The following SYNE3 variants were observed in gnomAD, a reference collection of about 807,000 sequenced individuals.
The protein encoded by SYNE3 is spectrin repeat containing nuclear envelope family member 3, also known as nesprin-3.
Under a neutral mutation model 111.2 loss-of-function variants are expected in SYNE3, and 100 were observed. That is an observed-to-expected ratio of 0.90 (90% CI 0.77 to 1.06). The LOEUF (loss-of-function observed/expected upper bound fraction) is 1.06. Ranked by LOEUF, SYNE3 falls within the 50% of genes least tolerant of loss-of-function variation. The probability of loss-of-function intolerance (pLI) is 0.00; values close to 1 mark genes in which losing one functional copy is unlikely to be tolerated. For missense variants in SYNE3, 1,160 were observed against 1,240.3 expected, an observed-to-expected ratio of 0.94 and a Z score of 0.97; for synonymous variants, 547 against 533.9, an observed-to-expected ratio of 1.02 and a Z score of -0.34.
rs374329032 is a variant in SYNE3, at chr14:95,500,019, C to A, written c.-15+16577G>T. Among the ~76,000 whole-genome samples the A allele has an allele frequency of 8.5e-5, 13 of 152,162 alleles. No individual in the cohort carries two copies. In the South Asian group the frequency reaches 1.7e-3, roughly 19 times the overall value. Reference sequence around the variant, plus strand: ...GGACTACAGGCACCTGCCACCACACCCGACTAATTTTTTTATTTTTAGTAG... The same window carrying A: ...GGACTACAGGCACCTGCCACCACACACGACTAATTTTTTTATTTTTAGTAG... On this transcript the variant is annotated intron_variant, in intron 1 of 17. Coordinates refer to ENST00000682763, the MANE Select transcript of SYNE3 (RefSeq NM_152592.6). The surrounding 1 kb of genome is among the most constrained non-coding windows in gnomAD (Gnocchi z 4.7).
intron 1 of SYNE3, among the ~76,000 whole-genome samples, chr14:95,502,568 T>C (rs1415051333): frequency 1.3e-5 from 2 of 152,242 alleles, no homozygotes; most frequent in African/African-American, 4.8e-5. Flanking sequence ...GGCCTGTCTT[T>C]GTGCATTCAG....
chr14:95,464,476 G>A (rs1439960751), intron 4 of SYNE3, among the ~76,000 whole-genome samples: 1 of 152,164 alleles, frequency 6.6e-6, no homozygotes, highest in Non-Finnish European at 1.5e-5. Context: ...TGTTACAAAC[G>A]CAATCTGAGA....
chr14:95,422,744 C>T (rs749080575), intron 17 of SYNE3, among the ~76,000 whole-genome samples: 16 of 152,202 alleles, frequency 1.1e-4, no homozygotes, highest in Non-Finnish European at 1.5e-4. Flanking sequence ...ATGGAGGGTG[C>T]GCCCGCCCCA....
At chr14:95,488,812 G>A (rs115577933) in intron 1 of SYNE3, among the ~76,000 whole-genome samples, 81 of 152,052 alleles carry the variant, frequency 5.3e-4, no homozygotes, top group African/African-American at 1.9e-3. Context: ...GCAGCCATGT[G>A]TGAATTCCAA....
chr14:95,432,637 T>C (rs993075746), intron 16 of SYNE3, among the ~76,000 whole-genome samples: 4 of 49,276 alleles, frequency 8.1e-5, no homozygotes, highest in Admixed American at 3.4e-4. Context: ...GTTTTGCTAT[T>C]ATTATTATTA....
rs115968095 is a variant in SYNE3 at position 95,452,409 on chromosome 14, G to T, written c.1138-26C>A. ...CTGCAGCACATGACGACACCGCAGC[G>T]GGAGGTGAGGCTCCTCAACAGGATA... On this transcript the variant is annotated intron_variant, in intron 6 of 17. Transcript: ENST00000682763. The T allele has an allele frequency of 4.6e-3, 7,351 of 1,582,000 alleles. 274 individuals carry two copies. In the African/African-American group the frequency reaches 0.078, roughly 17 times the overall value.
rs988622600 is a variant in SYNE3, at chr14:95,411,748, T to C, written c.*6078A>G. 6 of 148,882 alleles carry C rather than the reference T, an allele frequency of 4.0e-5. No homozygotes were observed. Among genetic ancestry groups the C allele is most frequent in the African/African-American group, 9.9e-5 (4 of 40,296 alleles). 9.2% of individuals were successfully genotyped at this position (148,882 alleles called of 1,614,324 possible). A position where few individuals can be genotyped will look rare whatever the true frequency, so the allele number is the denominator to read the frequency against. ...AATCCAAAGGAAGCCGCTGGCATCA[T>C]AGGGTGACAGCCACAGGCACAGCCT... On this transcript the variant is annotated 3_prime_UTR_variant, in exon 18 of 18. Coordinates refer to ENST00000682763, the MANE Select transcript of SYNE3 (RefSeq NM_152592.6).
Position 95,510,362 on chromosome 14 carries a change from C to T in SYNE3, c.-15+6234G>A, listed in dbSNP as rs144180098. On this transcript the variant is annotated intron_variant, in intron 1 of 17. Transcript: ENST00000682763. ...AGCATCCATACTGGGACACAGCAACCGTGCATTAGGAAAACCACCATCTGA... is the reference window on the plus strand; with the variant it reads ...AGCATCCATACTGGGACACAGCAACTGTGCATTAGGAAAACCACCATCTGA... Among the ~76,000 whole-genome samples, 38 of 152,254 alleles carry T rather than the reference C, an allele frequency of 2.5e-4. No homozygotes were observed. In the East Asian group the frequency reaches 5.0e-3, roughly 20 times the overall value.
intron 17 of SYNE3, among the ~76,000 whole-genome samples, chr14:95,419,935 GA>G (rs531478891): frequency 1.5e-4 from 22 of 148,810 alleles, no homozygotes; most frequent in African/African-American, 5.2e-4. Flanking sequence ...TGATGGTGAT[GA>G]AGAAGCACTG....
At position 95,470,682 on chromosome 14, in the gene SYNE3, G is replaced by A. The variant is rs555587025; in HGVS notation, c.145-2715C>T. Among the ~76,000 whole-genome samples the A allele has an allele frequency of 1.1e-4, 16 of 151,874 alleles. No homozygotes were observed. The highest frequency in any genetic ancestry group is 1.6e-4 in the Non-Finnish European group (11 of 67,944). On this transcript the variant is annotated intron_variant, in intron 2 of 17. Coordinates refer to ENST00000682763, the MANE Select transcript of SYNE3 (RefSeq NM_152592.6). This position sits in a 1 kb window ranked among gnomAD's most constrained non-coding sequence, Gnocchi z 4.2. ...ACTAAAAATAAGAAAAAAAAGAGCC[G>A]GATGTGGTGGCTCACGCCTGTAATC...
At position 95,416,764 on chromosome 14, in the gene SYNE3, A is replaced by T. The variant is rs1409938982; in HGVS notation, c.*1062T>A. ...TGAGACAGGCTGAACTCCAAAGCAG[A>T]TTCTCTCACCTCTGTCCTGGACCCT... On this transcript the variant is annotated 3_prime_UTR_variant, in exon 18 of 18. Coordinates refer to ENST00000682763, the MANE Select transcript of SYNE3 (RefSeq NM_152592.6). The T allele has an allele frequency of 6.6e-6, 1 of 152,250 alleles. No individual in the cohort carries two copies. Among genetic ancestry groups the T allele is most frequent in the Admixed American group, 6.5e-5 (1 of 15,280 alleles). 9.4% of individuals were successfully genotyped at this position (152,250 alleles called of 1,614,324 possible). A position where few individuals can be genotyped will look rare whatever the true frequency, so the allele number is the denominator to read the frequency against.
chr14:95,495,506 TGG>T (rs1890051737), intron 1 of SYNE3, among the ~76,000 whole-genome samples: 10 of 151,714 alleles, frequency 6.6e-5, no homozygotes, highest in Middle Eastern at 3.4e-3. Context: ...ATAGTTCCCA[TGG>T]GTGAGGCCTG....
intron 1 of SYNE3, among the ~76,000 whole-genome samples, chr14:95,507,891 C>T (rs1315429026): frequency 1.3e-5 from 2 of 152,156 alleles, no homozygotes; most frequent in Admixed American, 1.3e-4. Context: ...TAGGGTGCTC[C>T]GGGGTGGGCC....
At chr14:95,497,935 C>T (rs993424212) in intron 1 of SYNE3, among the ~76,000 whole-genome samples, 17 of 151,670 alleles carry the variant, frequency 1.1e-4, no homozygotes, top group African/African-American at 2.9e-4. Flanking sequence ...TCAGAAAGAC[C>T]TCTTGAGCCC....
At chr14:95,425,783 A>G (rs927040142) in intron 17 of SYNE3, among the ~76,000 whole-genome samples, 12 of 152,248 alleles carry the variant, frequency 7.9e-5, no homozygotes, top group Admixed American at 2.0e-4. Flanking sequence ...CTATAAATTC[A>G]AAAGAGACTA....
intron 17 of SYNE3, among the ~76,000 whole-genome samples, chr14:95,430,590 GA>G: frequency 6.6e-6 from 1 of 152,278 alleles, no homozygotes; most frequent in Non-Finnish European, 1.5e-5. Flanking sequence ...TTGGGAGGCC[GA>G]AGAGGGTGGA....
chr14:95,462,671 C>T (rs144478398), intron 4 of SYNE3, among the ~76,000 whole-genome samples: 1 of 152,358 alleles, frequency 6.6e-6, no homozygotes, highest in African/African-American at 2.4e-5. Context: ...GCAGCTCAAA[C>T]CTGCCTTTCA....
chr14:95,444,521 G>A lies in SYNE3; in HGVS notation c.1740C>T (p.Asp580=). 6.2e-7 allele frequency: 1 copy of A among 1,613,290 alleles called. No homozygotes were observed. Among genetic ancestry groups the A allele is most frequent in the Non-Finnish European group, 8.5e-7 (1 of 1,179,550 alleles). The stretch of plus-strand genomic sequence containing the variant: ...AGAGCTGGGCCTGTTTTCCAGGAAG[G>A]TCCCGCTGAAGCCCCTTCTCGGCTT... ...RVQAEKGLQR[D]LPGKQAQLSR... Residue 580 remains aspartate, a synonymous_variant, in exon 10 of 18, where the codon GAC becomes GAT. Transcript: ENST00000682763.
Position 95,444,473 on chromosome 14 carries a change from C to G in SYNE3, c.1776+12G>C. On this transcript the variant is annotated intron_variant, in intron 10 of 17. Transcript: ENST00000682763. ...CTGGGCAGGAGTGATTCAGGCCTCA[C>G]AGACCCCTCACCTGCAACCTTGAGA... The G allele has an allele frequency of 1.2e-6, 2 of 1,600,972 alleles. No homozygotes were observed. The highest frequency in any genetic ancestry group is 1.7e-6 in the Non-Finnish European group (2 of 1,172,256).
Sources: allele counts gnomAD v4.1 joint callset (sites outside exome capture counted in the v4.1 genomes callset), GRCh38; gene constraint gnomAD v4.1.1; non-coding constraint Gnocchi (gnomAD v3.1); transcripts MANE v1.5; gene names NCBI Gene and HGNC (gene_info 2026-07-23, HGNC 2026-07-21).